ADGRB3: variants seen among roughly 807,000 people sequenced by gnomAD.
The protein encoded by ADGRB3 is adhesion G protein-coupled receptor B3, also known as brain-specific angiogenesis inhibitor 3.
A neutral mutation model predicts 193.4 loss-of-function variants in ADGRB3; 37 were observed. The observed-to-expected ratio is 0.19, with a 90% CI of 0.15 to 0.25. The LOEUF is 0.25. ADGRB3 is among the 10% of genes least tolerant of loss of function. The pLI is 1.00. For synonymous variants in ADGRB3, 690 were observed against 644.2 expected, an observed-to-expected ratio of 1.07 and a Z score of -1.08; for missense variants, 1,637 against 1,852.9, an observed-to-expected ratio of 0.88 and a Z score of 2.14.
chr6:69,207,825 G>A (rs964139469), intron 17 of ADGRB3, among the ~76,000 whole-genome samples: 6 of 152,174 alleles, frequency 3.9e-5, no homozygotes, highest in Non-Finnish European at 8.8e-5. Context: ...AGGCAATGTT[G>A]TGTGGTATAC....
chr6:69,301,953 T>A (rs1308748002), intron 20 of ADGRB3, among the ~76,000 whole-genome samples: 2 of 151,848 alleles, frequency 1.3e-5, no homozygotes, highest in Non-Finnish European at 2.9e-5. Flanking sequence ...GGATCTGAAG[T>A]TGAATAATTT....
intron 3 of ADGRB3, among the ~76,000 whole-genome samples, chr6:68,745,562 T>C (rs368311049): frequency 2.0e-5 from 3 of 152,130 alleles, no homozygotes; most frequent in Admixed American, 6.6e-5. Context: ...AAGTTTGTTA[T>C]GTGTTTTTTA....
chr6:69,219,980 G>T lies in ADGRB3; in HGVS notation c.2481-13310G>T, dbSNP rs1342946850. On this transcript the variant is annotated intron_variant, in intron 17 of 31. Transcript: ENST00000370598. ...TGCTATATTAATTATGACAGAGAAG[G>T]CTTTTCCATTATAAGCCTCATTTTT... 3.3e-5 allele frequency among the ~76,000 whole-genome samples: 5 copies of T among 151,946 alleles called. 1 individual carries two copies. Among genetic ancestry groups the T allele is most frequent in the Admixed American group, 2.6e-4 (4 of 15,214 alleles).
At chr6:68,947,906 T>G (rs1323909738) in intron 6 of ADGRB3, among the ~76,000 whole-genome samples, 3 of 152,202 alleles carry the variant, frequency 2.0e-5, no homozygotes, top group Non-Finnish European at 4.4e-5. Flanking sequence ...AATTTGTTAC[T>G]CTTGAGAGTG....
intron 20 of ADGRB3, among the ~76,000 whole-genome samples, chr6:69,274,187 A>T (rs1767241298): frequency 6.6e-6 from 1 of 152,202 alleles, no homozygotes; most frequent in African/African-American, 2.4e-5. Context: ...AAAATTTCTG[A>T]GAAGGAAAAA....
At chr6:68,663,861 G>A (rs916048717) in intron 3 of ADGRB3, among the ~76,000 whole-genome samples, 9 of 151,782 alleles carry the variant, frequency 5.9e-5, no homozygotes, top group Admixed American at 1.3e-4. Flanking sequence ...GTATTTTAGC[G>A]TGCTACACAT....
In ADGRB3 at chr6:69,233,079, C is replaced by T; in HGVS notation, c.2481-211C>T. 4.7e-6 allele frequency: 3 copies of T among 642,006 alleles called. No homozygotes were observed. In the South Asian group the frequency reaches 6.0e-5, roughly 13 times the overall value. 39.8% of individuals were successfully genotyped at this position (642,006 alleles called of 1,614,324 possible). Reference sequence around the variant, plus strand: ...CGGCGCTGGACAGCTCTCTGCACGCCGCACCGCCGCCTGCTTGCTTTTTCC... The same window carrying T: ...CGGCGCTGGACAGCTCTCTGCACGCTGCACCGCCGCCTGCTTGCTTTTTCC... On this transcript the variant is annotated intron_variant, in intron 17 of 31. Transcript: ENST00000370598.
At chr6:69,264,661 G>A (rs886548008) in intron 20 of ADGRB3, among the ~76,000 whole-genome samples, 1 of 151,496 alleles carries the variant, frequency 6.6e-6, no homozygotes, top group Non-Finnish European at 1.5e-5. Flanking sequence ...ACCTATGAAC[G>A]AGTCTCACCC....
intron 17 of ADGRB3, among the ~76,000 whole-genome samples, chr6:69,157,393 G>A (rs1025181386): frequency 2.0e-5 from 3 of 152,170 alleles, no homozygotes; most frequent in Non-Finnish European, 2.9e-5. Flanking sequence ...AAAAGATGAA[G>A]GTTGTACATT....
At chr6:69,338,276 A>G (rs922744082) in intron 24 of ADGRB3, among the ~76,000 whole-genome samples, 3 of 152,194 alleles carry the variant, frequency 2.0e-5, no homozygotes, top group Non-Finnish European at 4.4e-5. Context: ...AATGTGTTTT[A>G]TTAAAGCAGA....
At chr6:68,866,653 G>T (rs1765304422) in intron 3 of ADGRB3, among the ~76,000 whole-genome samples, 5 of 152,188 alleles carry the variant, frequency 3.3e-5, no homozygotes, top group Admixed American at 3.3e-4. Context: ...GAGACTTGTT[G>T]AATGGTTTTG....
At chr6:68,920,512 CAAAAAAAA>C (rs5877180) in intron 3 of ADGRB3, among the ~76,000 whole-genome samples, 1 of 68,884 alleles carries the variant, frequency 1.5e-5, no homozygotes, top group Non-Finnish European at 2.6e-5. Flanking sequence ...GACTCTGTAT[CAAAAAAAA>C]AAAAAAAAAA....
intron 3 of ADGRB3, among the ~76,000 whole-genome samples, chr6:68,826,708 C>G (rs1767850863): frequency 6.6e-6 from 1 of 152,108 alleles, no homozygotes; most frequent in Non-Finnish European, 1.5e-5. Flanking sequence ...TTCATCAGAA[C>G]AATAGCAGTG....
In ADGRB3 at chr6:69,075,982, G is replaced by T; in HGVS notation, c.2437-13G>T. On this transcript the variant is annotated splice_polypyrimidine_tract_variant and intron_variant, in intron 16 of 31. Transcript: ENST00000370598. ...CTCAAGATATATGCATTCTTTCTCT[G>T]CTTTTTTTTTAGGGTACTTTGAATC... 6.2e-7 allele frequency: 1 copy of T among 1,602,358 alleles called. No individual in the cohort carries two copies. Among genetic ancestry groups the T allele is most frequent in the Non-Finnish European group, 8.5e-7 (1 of 1,170,720 alleles).
chr6:69,238,374 G>C lies in ADGRB3; in HGVS notation c.2712-750G>C, dbSNP rs978515275. On this transcript the variant is annotated intron_variant, in intron 19 of 31. Transcript: ENST00000370598. ...CAGCTGGTAGAACATTTGATTCTGA[G>C]CAGTTTTCTCTATGGCTTACATTCT... is the stretch of plus-strand genomic sequence containing the variant. Among the ~76,000 whole-genome samples, 5 of 152,028 alleles carry C rather than the reference G, an allele frequency of 3.3e-5. No homozygotes were observed. The East Asian group carries it at 9.6e-4, about 29-fold the overall frequency.
At chr6:69,259,980 A>C (rs955210481) in intron 20 of ADGRB3, among the ~76,000 whole-genome samples, 1 of 152,166 alleles carries the variant, frequency 6.6e-6, no homozygotes, top group Non-Finnish European at 1.5e-5. Context: ...TTTGTTTAAC[A>C]CAAATTCATG....
chr6:68,748,952 G>A (rs984379804), intron 3 of ADGRB3, among the ~76,000 whole-genome samples: 1 of 152,200 alleles, frequency 6.6e-6, no homozygotes, highest in African/African-American at 2.4e-5. Context: ...CAAGGCTTAG[G>A]GCCTCCACCC....
At chr6:68,668,054 T>C (rs369931984) in intron 3 of ADGRB3, among the ~76,000 whole-genome samples, 1 of 151,904 alleles carries the variant, frequency 6.6e-6, no homozygotes, top group East Asian at 1.9e-4. Context: ...CTAAGTACCA[T>C]GTAGTATAAG....
At chr6:69,312,347 A>G (rs1738302934) in intron 20 of ADGRB3, among the ~76,000 whole-genome samples, 1 of 151,778 alleles carries the variant, frequency 6.6e-6, no homozygotes, top group African/African-American at 2.4e-5. Context: ...TTCCTTAAGG[A>G]GAAAGGCAGA....
Sources: allele counts gnomAD v4.1 joint callset (sites outside exome capture counted in the v4.1 genomes callset), GRCh38; gene constraint gnomAD v4.1.1; transcripts MANE v1.5; gene names NCBI Gene and HGNC (gene_info 2026-07-23, HGNC 2026-07-21).